The following ZNF57 variants were observed in gnomAD, a reference collection of about 807,000 sequenced individuals.
ZNF57 encodes zinc finger protein 424.
In ZNF57, 11 loss-of-function variants were observed where a neutral mutation model predicts 13.4. The ratio of observed to expected loss-of-function variants is 0.82; its 90% confidence interval spans 0.52 to 1.36. The LOEUF (loss-of-function observed/expected upper bound fraction) is 1.36. Among genes scored for constraint, ZNF57 ranks in the 40% most tolerant of loss-of-function variants. The pLI, the probability that ZNF57 is intolerant of heterozygous loss-of-function variation, is 0.00. For synonymous variants in ZNF57, 224 were observed against 238.5 expected (o/e 0.94, Z 0.56); for missense variants, 696 against 667.5 (o/e 1.04, Z -0.47).
Position 2,918,322 on chromosome 19 carries a change from C to T in ZNF57, c.*33C>T, listed in dbSNP as rs761513938. On this transcript the variant is annotated 3_prime_UTR_variant, in exon 4 of 4. Transcript: ENST00000306908. ...TTCTATAACTTTAATGGGGTAACCT[C>T]ACATTAATTCATGTATAATGCTCCA... The T allele has an allele frequency of 1.3e-6, 2 of 1,539,076 alleles. No individual in the cohort carries two copies. The highest frequency in any genetic ancestry group is 1.7e-6 in the Non-Finnish European group (2 of 1,145,090).
At position 2,916,091 on chromosome 19, in the gene ZNF57, A is replaced by G; in HGVS notation, c.144A>G (p.Gln48=). Residue 48 remains glutamine, a synonymous_variant, in exon 3 of 4, where the codon CAA becomes CAG. Coordinates refer to ENST00000306908, the MANE Select transcript of ZNF57 (RefSeq NM_173480.3). The part of the protein sequence containing the change: ...RNLASVDDGT[Q]FKANGSVSLQ... Reference sequence around the variant, plus strand: ...TTTTTGTTGCAGATGATGGGACTCAATTTAAAGCCAATGGGTCAGTTTCTC... The same window carrying G: ...TTTTTGTTGCAGATGATGGGACTCAGTTTAAAGCCAATGGGTCAGTTTCTC... The G allele has an allele frequency of 1.2e-6, 2 of 1,609,964 alleles. No individual in the cohort carries two copies. Among genetic ancestry groups the G allele is most frequent in the South Asian group, 1.1e-5 (1 of 90,370 alleles).
chr19:2,914,929 C>T (rs1407183623), intron 1 of ZNF57, among the ~76,000 whole-genome samples: 2 of 152,202 alleles, frequency 1.3e-5, no homozygotes, highest in African/African-American at 4.8e-5. Context: ...ATGTGTTATA[C>T]ATCCAACAGT....
chr19:2,900,971 T>C lies in ZNF57; in HGVS notation c.-75T>C, dbSNP rs1473236270. On this transcript the variant is annotated 5_prime_UTR_variant, in exon 1 of 4. Coordinates refer to ENST00000306908, the MANE Select transcript of ZNF57 (RefSeq NM_173480.3). Reference sequence around the variant, plus strand: ...CTGCCTACCACGAGCGGCCCGGGAGTACCTGTACCTTTCAGCTGCGCCGGC... The same window carrying C: ...CTGCCTACCACGAGCGGCCCGGGAGCACCTGTACCTTTCAGCTGCGCCGGC... The C allele has an allele frequency of 2.6e-6, 4 of 1,543,144 alleles. No individual in the cohort carries two copies. In the East Asian group the frequency reaches 1.0e-4, roughly 38 times the overall value.
At chr19:2,915,303 AG>A (rs1394044287) in intron 1 of ZNF57, 3 of 502,862 alleles carry the variant, frequency 6.0e-6, no homozygotes, top group Non-Finnish European at 1.0e-5. Flanking sequence ...GAGGAAAATA[AG>A]AGCAGTCGCA....
intron 3 of ZNF57, 98 bp downstream of exon 3, chr19:2,916,347 T>C: frequency 8.4e-7 from 1 of 1,188,610 alleles, no homozygotes. Context: ...TGTTTATTCC[T>C]CAGAATTTTA....
chr19:2,902,627 G>C (rs1365321814), intron 1 of ZNF57, among the ~76,000 whole-genome samples: 2 of 152,152 alleles, frequency 1.3e-5, no homozygotes, highest in South Asian at 4.1e-4. Flanking sequence ...CAGAGTTTGC[G>C]ACAGTGTGTG....
At position 2,915,496 on chromosome 19, in the gene ZNF57, C is replaced by T. The variant is rs773670374; in HGVS notation, c.4-26C>T. ...AGTACTTTCAGTGTCTCCAATCCTC[C>T]TGCACACCTGTGTGGTTTGTCTTAG... On this transcript the variant is annotated intron_variant, in intron 1 of 3. Transcript: ENST00000306908. The T allele has an allele frequency of 1.7e-5, 27 of 1,611,278 alleles. No homozygotes were observed. The South Asian group carries it at 2.5e-4, about 15-fold the overall frequency.
chr19:2,911,764 C>T (rs535153857), intron 1 of ZNF57, among the ~76,000 whole-genome samples: 7 of 152,334 alleles, frequency 4.6e-5, no homozygotes, highest in African/African-American at 1.7e-4. Context: ...CCATTAAAGT[C>T]ATTCTCCATT....
At chr19:2,916,016 T>G in intron 2 of ZNF57, 62 bp from the exon 3 acceptor site, 1 of 1,542,770 alleles carries the variant, frequency 6.5e-7, no homozygotes, top group Non-Finnish European at 8.8e-7. Context: ...AACTCCTCAG[T>G]GTCTTCCTTT....
intron 1 of ZNF57, among the ~76,000 whole-genome samples, chr19:2,902,198 G>T (rs1461751139): frequency 1.4e-5 from 2 of 145,374 alleles, no homozygotes; most frequent in Non-Finnish European, 3.0e-5. Flanking sequence ...CGGCCTGGGG[G>T]TCAGAGGCAG....
intron 1 of ZNF57, among the ~76,000 whole-genome samples, chr19:2,901,704 A>G (rs1458457505): frequency 1.3e-5 from 2 of 151,858 alleles, no homozygotes; most frequent in Admixed American, 6.6e-5. Flanking sequence ...TTTTTAGTAG[A>G]GACAGGGTTT....
chr19:2,918,309 AATGGGGTAAC>A lies in ZNF57; in HGVS notation c.*21_*30del. The stretch of plus-strand genomic sequence containing the variant: ...CACTAAAGAGAAATTCTATAACTTT[AATGGGGTAAC>A]CTCACATTAATTCATGTATAATGCT... On this transcript the variant is annotated 3_prime_UTR_variant, in exon 4 of 4. Coordinates refer to ENST00000306908, the MANE Select transcript of ZNF57 (RefSeq NM_173480.3). 1 of 1,563,986 alleles carries A rather than the reference AATGGGGTAAC, an allele frequency of 6.4e-7. No individual in the cohort carries two copies. The highest frequency in any genetic ancestry group is 8.6e-7 in the Non-Finnish European group (1 of 1,156,310).
intron 1 of ZNF57, among the ~76,000 whole-genome samples, chr19:2,904,275 C>G (rs7257435): frequency 0.83 from 126,654 of 152,204 alleles, 53,416 homozygotes; most frequent in Middle Eastern, 0.91. Context: ...CAGTGGGTGA[C>G]GCAGTTAGTT....
chr19:2,902,338 C>CT (rs1049352504), intron 1 of ZNF57, among the ~76,000 whole-genome samples: 4 of 152,066 alleles, frequency 2.6e-5, no homozygotes, highest in African/African-American at 9.7e-5. Context: ...TCCTGTTTGG[C>CT]TTTTTTCTTC....
In ZNF57 at chr19:2,915,625, C is replaced by T. The variant is rs1171379448; in HGVS notation, c.107C>T (p.Thr36Ile). The T allele has an allele frequency of 6.2e-7, 1 of 1,613,828 alleles. No homozygotes were observed. The highest frequency in any genetic ancestry group is 1.7e-5 in the Admixed American group (1 of 59,990). The stretch of plus-strand genomic sequence containing the variant: ...CTCTACAGAGATGTGATGCTGGAGA[C>T]CTTCCGGAACCTGGCCTCAGTAGGT... ...RDLYRDVMLE[T>I]FRNLASVDDG... The change falls in exon 2 of 4, where the codon ACC becomes ATC. Residue 36 changes from threonine (T) to isoleucine (I), a missense_variant. This residue lies in a region of ZNF57 where 43 missense variants were observed against 53.5 expected (regional missense o/e 0.80). Transcript: ENST00000306908.
chr19:2,912,389 A>C (rs1305115183), intron 1 of ZNF57: 2 of 152,162 alleles, frequency 1.3e-5, no homozygotes, highest in African/African-American at 4.8e-5. Context: ...CCTCTACAAG[A>C]CTGGGCCCCC....
intron 1 of ZNF57, among the ~76,000 whole-genome samples, chr19:2,911,587 T>C (rs1300293503): frequency 6.6e-6 from 1 of 151,986 alleles, no homozygotes; most frequent in Non-Finnish European, 1.5e-5. Context: ...GGTGTCACTA[T>C]GTTGCCCAGA....
rs1479409076 is a variant in ZNF57 at position 2,915,809 on chromosome 19, T to A, written c.130+161T>A. ...ATTATTCCCTAACAGTGAAAACATG[T>A]GTGAAACAGATGTTATTTCTGTCTT... On this transcript the variant is annotated intron_variant, in intron 2 of 3. Coordinates refer to ENST00000306908, the MANE Select transcript of ZNF57 (RefSeq NM_173480.3). 4.1e-6 allele frequency: 5 copies of A among 1,216,274 alleles called. No individual in the cohort carries two copies. In the African/African-American group the frequency reaches 7.5e-5, roughly 18 times the overall value. The allele number at this position is 1,216,274 out of a possible 1,614,324, so 75.3% of individuals were successfully genotyped here.
At chr19:2,911,668 G>A (rs540769862) in intron 1 of ZNF57, among the ~76,000 whole-genome samples, 1 of 152,172 alleles carries the variant, frequency 6.6e-6, no homozygotes, top group Non-Finnish European at 1.5e-5. Context: ...TTTCAGGCAT[G>A]AGCCACCGCA....
Sources: gnomAD v4.1 joint callset for allele counts (sites outside exome capture counted in the v4.1 genomes callset) on GRCh38, gnomAD v4.1.1 for gene constraint, gnomAD v4.1.1 regional missense constraint, MANE v1.5 for transcripts, NCBI Gene and HGNC (gene_info 2026-07-23, HGNC 2026-07-21) for gene names.